The following APOOL variants were observed in gnomAD, a reference collection of about 807,000 sequenced individuals.
APOOL encodes MICOS complex subunit MIC27.
APOOL carries 12 observed loss-of-function variants against 23.1 expected under a neutral mutation model. The ratio of observed to expected loss-of-function variants is 0.52; its 90% CI spans 0.33 to 0.84. The LOEUF (loss-of-function observed/expected upper bound fraction) is 0.84, where lower values mean the gene tolerates loss of function less well. APOOL is among the 40% of genes least tolerant of loss of function. APOOL has a pLI of 0.02. For synonymous variants in APOOL, 77 were observed against 69.9 expected, an observed-to-expected ratio of 1.10 and a Z score of -0.51; for missense variants, 212 against 199.6, an observed-to-expected ratio of 1.06 and a Z score of -0.37.
At chrX:85,012,460 G>T (rs1322436339) in intron 1 of APOOL, among the ~76,000 whole-genome samples, 1 of 111,305 alleles carries the variant, frequency 9.0e-6, no homozygotes, top group Non-Finnish European at 1.9e-5. Context: ...TCCCCATTTA[G>T]TATGGTATTG....
chrX:85,040,794 A>C (rs1922376817), intron 1 of APOOL, among the ~76,000 whole-genome samples: 1 of 111,889 alleles, frequency 8.9e-6, no homozygotes, highest in Non-Finnish European at 1.9e-5. Flanking sequence ...TGTTTTATTT[A>C]ATTCTTTAAA....
intron 2 of APOOL, among the ~76,000 whole-genome samples, chrX:85,048,044 A>G (rs1419571835): frequency 9.0e-6 from 1 of 111,690 alleles, no homozygotes; most frequent in Non-Finnish European, 1.9e-5. Flanking sequence ...CTATATATAC[A>G]TCTATAACCA....
At position 85,015,289 on chromosome X, in the gene APOOL, G is replaced by C. The variant is rs887259049; in HGVS notation, c.15+11362G>C. Among the ~76,000 whole-genome samples the C allele has an allele frequency of 9.9e-5, 11 of 110,645 alleles. No homozygotes were observed. In the East Asian group the frequency reaches 2.8e-3, roughly 29 times the overall value. The stretch of plus-strand genomic sequence containing the variant: ...CCTTTCTGTGGTATCTCCTTGAGTA[G>C]TTTAATAATCAGCCTTCTAAATTCT... On this transcript the variant is annotated intron_variant, in intron 1 of 8. Transcript: ENST00000373173.
At chrX:85,082,741 T>C (rs1924157012) in intron 8 of APOOL, among the ~76,000 whole-genome samples, 1 of 112,050 alleles carries the variant, frequency 8.9e-6, no homozygotes, top group Non-Finnish European at 1.9e-5. Flanking sequence ...AGAGACCATA[T>C]GGTTCACCAA....
At chrX:85,048,068 A>G (rs1922634956) in intron 2 of APOOL, among the ~76,000 whole-genome samples, 1 of 111,660 alleles carries the variant, frequency 9.0e-6, no homozygotes, top group South Asian at 3.7e-4. Flanking sequence ...CCTTAGAATG[A>G]ATTTCTATAA....
At position 85,093,124 on chromosome X, in the gene APOOL, T is replaced by C; in HGVS notation, c.*5446T>C. 1 of 1,033,926 alleles carries C rather than the reference T, an allele frequency of 9.7e-7. No individual in the cohort carries two copies. Among genetic ancestry groups the C allele is most frequent in the South Asian group, 2.2e-5 (1 of 45,982 alleles). The allele number at this position is 1,033,926 out of a possible 1,213,427, so 85.2% of individuals were successfully genotyped here. A position where few individuals can be genotyped will look rare whatever the true frequency, so the allele number is the denominator to read the frequency against. ...GAGATTAATGATTTAATTTATGCCC[T>C]GTGAATATTTATTAAGAAAAGGTTA... On this transcript the variant is annotated 3_prime_UTR_variant, in exon 9 of 9. Coordinates refer to ENST00000373173, the MANE Select transcript of APOOL (RefSeq NM_198450.6).
chrX:85,055,573 ATAGT>A (rs1420077509), intron 4 of APOOL, among the ~76,000 whole-genome samples: 2 of 111,849 alleles, frequency 1.8e-5, no homozygotes, highest in East Asian at 5.6e-4. Context: ...ACATTTCTTT[ATAGT>A]AATAACCGTC....
At position 85,092,053 on chromosome X, in the gene APOOL, T is replaced by A. The variant is rs749707841; in HGVS notation, c.*4375T>A. Reference sequence around the variant, plus strand: ...ACAAACAAAAAATGCTGCCAGTTGATCATTACATTTATCCCGACATCAGAT... The same window carrying A: ...ACAAACAAAAAATGCTGCCAGTTGAACATTACATTTATCCCGACATCAGAT... On this transcript the variant is annotated 3_prime_UTR_variant, in exon 9 of 9. Coordinates refer to ENST00000373173, the MANE Select transcript of APOOL (RefSeq NM_198450.6). 5 of 153,025 alleles carry A rather than the reference T, an allele frequency of 3.3e-5. No individual in the cohort carries two copies. Among genetic ancestry groups the A allele is most frequent in the Non-Finnish European group, 6.2e-5 (5 of 80,220 alleles). 12.6% of individuals were successfully genotyped at this position (153,025 alleles called of 1,213,427 possible).
At position 85,087,671 on chromosome X, in the gene APOOL, G is replaced by C. The variant is rs1924364258; in HGVS notation, c.800G>C (p.Arg267Thr). The C allele has an allele frequency of 8.5e-7, 1 of 1,182,961 alleles. No individual in the cohort carries two copies. Among genetic ancestry groups the C allele is most frequent in the East Asian group, 3.0e-5 (1 of 32,866 alleles). ...GAAGATATAGATATGTACAGCACTA[G>C]AAGCTGAAGTAGACTGCATGCAGAG... ...HPEDIDMYSTRS is the reference protein window; with the variant it reads ...HPEDIDMYSTTS The change falls in exon 9 of 9, where the codon AGA (arginine) becomes ACA (threonine). Residue 267 changes from arginine to threonine, a missense_variant. Physicochemically the swap from Arg to Thr is moderately conservative, Grantham distance 71. Coordinates refer to ENST00000373173, the MANE Select transcript of APOOL (RefSeq NM_198450.6).
At chrX:85,053,476 A>G (rs1182795020) in intron 3 of APOOL, among the ~76,000 whole-genome samples, 9 of 111,696 alleles carry the variant, frequency 8.1e-5, no homozygotes, top group African/African-American at 2.3e-4. Context: ...TCCCTGTCCA[A>G]TATAATAATA....
intron 1 of APOOL, among the ~76,000 whole-genome samples, chrX:85,031,363 C>T (rs1922030465): frequency 9.0e-6 from 1 of 111,029 alleles, no homozygotes; most frequent in African/African-American, 3.3e-5. Flanking sequence ...GGTCCTTAGT[C>T]GTGCAAAGTC....
chrX:85,040,928 G>C (rs1158396544), intron 1 of APOOL, among the ~76,000 whole-genome samples: 6 of 111,957 alleles, frequency 5.4e-5, no homozygotes, highest in Non-Finnish European at 9.4e-5. Context: ...TGTGGAGGTA[G>C]TGCTGTTGTT....
intron 1 of APOOL, among the ~76,000 whole-genome samples, chrX:85,035,192 C>G (rs1170077173): frequency 9.0e-6 from 1 of 111,030 alleles, no homozygotes; most frequent in Non-Finnish European, 1.9e-5. Flanking sequence ...TTTTGATTTG[C>G]ATTTCTCTGA....
intron 5 of APOOL, among the ~76,000 whole-genome samples, chrX:85,056,937 T>C (rs968729397): frequency 1.8e-5 from 2 of 111,482 alleles, no homozygotes; most frequent in Non-Finnish European, 3.8e-5. Context: ...CACTGATCTG[T>C]TCTCTGTCAC....
chrX:85,019,087 G>A (rs779380144), intron 1 of APOOL, among the ~76,000 whole-genome samples: 3 of 111,436 alleles, frequency 2.7e-5, no homozygotes, highest in Non-Finnish European at 5.6e-5. Context: ...TCTAGCCAAG[G>A]TTATTCCTCT....
intron 5 of APOOL, among the ~76,000 whole-genome samples, chrX:85,056,915 A>G (rs1006823740): frequency 9.0e-6 from 1 of 111,132 alleles, no homozygotes; most frequent in African/African-American, 3.3e-5. Context: ...TCCCACTTCT[A>G]ACTCCCAGAA....
In APOOL at chrX:85,093,240, A is replaced by T; in HGVS notation, c.*5562A>T. 1 of 1,157,613 alleles carries T rather than the reference A, an allele frequency of 8.6e-7. No individual in the cohort carries two copies. The highest frequency in any genetic ancestry group is 1.2e-6 in the Non-Finnish European group (1 of 866,402). On this transcript the variant is annotated 3_prime_UTR_variant, in exon 9 of 9. Coordinates refer to ENST00000373173, the MANE Select transcript of APOOL (RefSeq NM_198450.6). ...AATACCTAGGCCTTTTAAATAGACA[A>T]TGCAAAGTGAAAACTGCAAATTTCA...
chrX:85,092,736 G>C lies in APOOL; in HGVS notation c.*5058G>C. 2.3e-6 allele frequency: 1 copy of C among 436,189 alleles called. No homozygotes were observed. The highest frequency in any genetic ancestry group is 3.7e-6 in the Non-Finnish European group (1 of 269,968). 35.9% of individuals were successfully genotyped at this position (436,189 alleles called of 1,213,427 possible). On this transcript the variant is annotated 3_prime_UTR_variant, in exon 9 of 9. Transcript: ENST00000373173. ...GCTGTAAAAAGAAAAAAGTCTCACT[G>C]TTCTGAGCTTTAAAGCCCTCTTTAA... is the stretch of plus-strand genomic sequence containing the variant.
At chrX:85,051,003 A>C (rs933173593) in intron 2 of APOOL, among the ~76,000 whole-genome samples, 3 of 110,294 alleles carry the variant, frequency 2.7e-5, no homozygotes, top group African/African-American at 9.9e-5. Flanking sequence ...TTACCCCCTA[A>C]TTTCTAATAT....
Sources: gnomAD v4.1 joint callset for allele counts (sites outside exome capture counted in the v4.1 genomes callset) on GRCh38, gnomAD v4.1.1 for gene constraint, MANE v1.5 for transcripts, NCBI Gene and HGNC (gene_info 2026-07-23, HGNC 2026-07-21) for gene names.